MMP17: variants seen among roughly 807,000 people sequenced by gnomAD.
MMP17 encodes matrix metallopeptidase 17.
A neutral mutation model predicts 49.1 loss-of-function variants in MMP17; 54 were observed. That is an observed-to-expected ratio of 1.10 (90% confidence interval 0.88 to 1.38). The LOEUF (loss-of-function observed/expected upper bound fraction) is 1.38. Among genes scored for constraint, MMP17 ranks in the 40% most tolerant of loss-of-function variants. The pLI, the probability that MMP17 is intolerant of heterozygous loss-of-function variation, is 0.00. For synonymous variants in MMP17, 397 were observed against 383.1 expected, an observed-to-expected ratio of 1.04 and a Z score of -0.42; for missense variants, 837 against 853.7, an observed-to-expected ratio of 0.98 and a Z score of 0.24.
intron 3 of MMP17, chr12:131,840,025 C>T (rs1887301367): frequency 6.6e-6 from 1 of 152,448 alleles, no homozygotes; most frequent in Non-Finnish European, 1.5e-5. Context: ...TGAGCTCGAG[C>T]AATCTGCCCA....
rs141860065 is a variant in MMP17 at position 131,851,068 on chromosome 12, G to A, written c.1606G>A (p.Val536Met). ...GGCCGATGGATCTGTGGCTGCGGGC[G>A]TGGACGCGGCAGAGGGGCCCCGCGC... is the stretch of plus-strand genomic sequence containing the variant. ...SQADGSVAAGVDAAEGPRAPP... is the reference protein window; with the variant it reads ...SQADGSVAAGMDAAEGPRAPP... The change falls in exon 10 of 10, where the codon GTG (valine) becomes ATG (methionine). Residue 536 changes from valine (V) to methionine (M), a missense_variant. By Grantham distance (21) the Val-to-Met change is conservative. Transcript: ENST00000360564. 46 of 1,607,286 alleles carry A rather than the reference G, an allele frequency of 2.9e-5. No individual in the cohort carries two copies. Among genetic ancestry groups the A allele is most frequent in the Middle Eastern group, 1.7e-4 (1 of 6,028 alleles).
chr12:131,840,975 G>A (rs1887377707), intron 4 of MMP17, 119 bp downstream of exon 4: 1 of 1,248,076 alleles, frequency 8.0e-7, no homozygotes. Flanking sequence ...GGCTGCTCCT[G>A]AGCACGGCTG....
intron 8 of MMP17, 39 bp downstream of exon 8, chr12:131,845,488 C>A: frequency 1.3e-6 from 2 of 1,528,812 alleles, no homozygotes; most frequent in Non-Finnish European, 1.8e-6. Flanking sequence ...GCTTCCCGGG[C>A]CCTCTGTCCG....
intron 6 of MMP17, chr12:131,844,282 T>A (rs1422198189): frequency 3.5e-6 from 2 of 573,238 alleles, no homozygotes; most frequent in African/African-American, 3.9e-5. Context: ...TGCACAGAAA[T>A]GAGAACTTCA....
chr12:131,851,007 C>T lies in MMP17; in HGVS notation c.1545C>T (p.Ser515=). The part of the protein sequence containing the change: ...ELEVAPGYPQ[S]TARDWLVCGD... ...AGGTGGCACCCGGGTACCCACAGTC[C>T]ACGGCCCGGGACTGGCTGGTGTGTG... is the stretch of plus-strand genomic sequence containing the variant. The change falls in exon 10 of 10, where the codon TCC becomes TCT. Residue 515 remains serine (S), a synonymous_variant. Coordinates refer to ENST00000360564, the MANE Select transcript of MMP17 (RefSeq NM_016155.7). 1 of 1,593,412 alleles carries T rather than the reference C, an allele frequency of 6.3e-7. No individual in the cohort carries two copies. Among genetic ancestry groups the T allele is most frequent in the East Asian group, 2.3e-5 (1 of 43,290 alleles).
intron 4 of MMP17, 52 bp from the exon 5 acceptor site, chr12:131,841,572 C>G: frequency 6.3e-7 from 1 of 1,596,404 alleles, no homozygotes; most frequent in Admixed American, 1.7e-5. Flanking sequence ...TCCCTCCCCG[C>G]GGGGACAGGG....
intron 6 of MMP17, 107 bp from the exon 7 acceptor site, chr12:131,845,011 C>G: frequency 8.6e-7 from 1 of 1,156,360 alleles, no homozygotes; most frequent in East Asian, 2.4e-5. Flanking sequence ...GGGCTCCACA[C>G]AAGGATGCCT....
intron 5 of MMP17, among the ~76,000 whole-genome samples, chr12:131,843,023 T>C (rs1887499897): frequency 6.6e-6 from 1 of 151,562 alleles, no homozygotes; most frequent in African/African-American, 2.4e-5. Flanking sequence ...TGAGATGGAG[T>C]CTCACTCTGT....
At chr12:131,844,931 C>T in intron 6 of MMP17, 187 bp from the exon 7 acceptor site, 7 of 399,152 alleles carry the variant, frequency 1.8e-5, no homozygotes, top group South Asian at 1.7e-4. Flanking sequence ...ATCTCGGCCC[C>T]CGCCCGCTGA....
chr12:131,832,697 G>C lies in MMP17; in HGVS notation c.159+4044G>C, dbSNP rs536477502. Among the ~76,000 whole-genome samples, 4 of 152,186 alleles carry C rather than the reference G, an allele frequency of 2.6e-5. No individual in the cohort carries two copies. The South Asian group carries it at 8.3e-4, about 32-fold the overall frequency. ...CGTCTGAGTGGGACAGGACGGCAGG[G>C]ACAGGACGGGGTGTGGAGCCTGGCT... is the stretch of plus-strand genomic sequence containing the variant. On this transcript the variant is annotated intron_variant, in intron 1 of 9. Coordinates refer to ENST00000360564, the MANE Select transcript of MMP17 (RefSeq NM_016155.7).
intron 4 of MMP17, 72 bp downstream of exon 4, chr12:131,840,928 C>G (rs1476184320): frequency 7.6e-6 from 11 of 1,442,296 alleles, no homozygotes; most frequent in Admixed American, 2.5e-5. Context: ...GCAGCCATGG[C>G]CCCCCCATCC....
At position 131,828,400 on chromosome 12, in the gene MMP17, C is replaced by G. The variant is rs1253083202; in HGVS notation, c.-95C>G. On this transcript the variant is annotated 5_prime_UTR_variant, in exon 1 of 10. Transcript: ENST00000360564. ...GGCTGCCGCGCGGGGCTCAGTCCGGCGGGGGCGCCGCGGAGAGCGGAGGGC... is the reference window on the plus strand; with the variant it reads ...GGCTGCCGCGCGGGGCTCAGTCCGGGGGGGGCGCCGCGGAGAGCGGAGGGC... The G allele has an allele frequency of 2.7e-6, 2 of 735,580 alleles. No homozygotes were observed. Among genetic ancestry groups the G allele is most frequent in the African/African-American group, 3.8e-5 (2 of 52,166 alleles). The allele number at this position is 735,580 out of a possible 1,614,324, so 45.6% of individuals were successfully genotyped here. A position where few individuals can be genotyped will look rare whatever the true frequency, so the allele number is the denominator to read the frequency against.
At chr12:131,845,246 C>G in intron 7 of MMP17, 46 bp downstream of exon 7, 2 of 1,613,932 alleles carry the variant, frequency 1.2e-6, no homozygotes, top group African/African-American at 1.3e-5. Context: ...CCATGGCCCA[C>G]TCTGGGTGCA....
chr12:131,847,158 A>T (rs551152300), intron 8 of MMP17, among the ~76,000 whole-genome samples: 1 of 152,100 alleles, frequency 6.6e-6, no homozygotes, highest in South Asian at 2.1e-4. Flanking sequence ...CACGCCTGCA[A>T]TCCCAGCATT....
chr12:131,829,485 C>T (rs541963458), intron 1 of MMP17, among the ~76,000 whole-genome samples: 1 of 152,028 alleles, frequency 6.6e-6, no homozygotes, highest in East Asian at 1.9e-4. Context: ...CGGGTGAACT[C>T]CCGCTGGGTT....
At chr12:131,850,351 C>A (rs1320237386) in intron 9 of MMP17, among the ~76,000 whole-genome samples, 1 of 152,190 alleles carries the variant, frequency 6.6e-6, no homozygotes, top group Non-Finnish European at 1.5e-5. Context: ...GGCCATGCCT[C>A]GTCTGGGCAC....
intron 1 of MMP17, among the ~76,000 whole-genome samples, chr12:131,829,532 C>T (rs1404317442): frequency 6.6e-6 from 1 of 152,198 alleles, no homozygotes; most frequent in African/African-American, 2.4e-5. Context: ...CCACCGCTGC[C>T]TTCAATGGAC....
Position 131,840,458 on chromosome 12 carries a change from TG to T in MMP17, c.423-110del. ...CTGGCGTGGGGAGGAAGGCGGAAGA[TG>T]GGGGAGACCCTCATAGGGGCACCCC... On this transcript the variant is annotated intron_variant, in intron 3 of 9. Coordinates refer to ENST00000360564, the MANE Select transcript of MMP17 (RefSeq NM_016155.7). The T allele has an allele frequency of 7.2e-6, 8 of 1,105,778 alleles. No individual in the cohort carries two copies. The South Asian group carries it at 7.8e-5, about 11-fold the overall frequency. 68.5% of individuals were successfully genotyped at this position (1,105,778 alleles called of 1,614,324 possible). A position where few individuals can be genotyped will look rare whatever the true frequency, so the allele number is the denominator to read the frequency against.
intron 5 of MMP17, among the ~76,000 whole-genome samples, chr12:131,842,119 T>C (rs567530206): frequency 6.6e-6 from 1 of 152,340 alleles, no homozygotes; most frequent in East Asian, 1.9e-4. Flanking sequence ...AAGGTAGGAC[T>C]ACTGTCCCCA....
Sources: allele counts gnomAD v4.1 joint callset (sites outside exome capture counted in the v4.1 genomes callset), GRCh38; gene constraint gnomAD v4.1.1; transcripts MANE v1.5; gene names NCBI Gene and HGNC (gene_info 2026-07-23, HGNC 2026-07-21).